CENPP: variants seen among roughly 807,000 people sequenced by gnomAD.
CENPP encodes centromere protein P.
Under a neutral mutation model 35.6 loss-of-function variants are expected in CENPP, and 24 were observed. The ratio of observed to expected loss-of-function variants is 0.67; its 90% CI spans 0.49 to 0.95. CENPP has a LOEUF of 0.95. Among genes scored for constraint, CENPP ranks in the 40% least tolerant of loss-of-function variants. The pLI is 0.00. For missense variants in CENPP, 332 were observed against 345.3 expected (o/e 0.96, Z 0.31); for synonymous variants, 120 against 125.5 (o/e 0.96, Z 0.29).
intron 5 of CENPP, among the ~76,000 whole-genome samples, chr9:92,453,081 T>G (rs1027549438): frequency 3.3e-5 from 5 of 152,280 alleles, no homozygotes; most frequent in Middle Eastern, 3.4e-3. Context: ...TTGAAGGGTT[T>G]TTTATGTCTC....
At chr9:92,540,324 GCTA>G (rs1294087297) in intron 5 of CENPP, among the ~76,000 whole-genome samples, 2 of 151,942 alleles carry the variant, frequency 1.3e-5, no homozygotes, top group African/African-American at 4.8e-5. Context: ...AGTAGTCCCA[GCTA>G]CTTGGGAGGC....
chr9:92,587,229 G>A (rs1196360849), intron 5 of CENPP, among the ~76,000 whole-genome samples: 3 of 152,174 alleles, frequency 2.0e-5, no homozygotes, highest in Admixed American at 1.3e-4. Context: ...CAGCACTTTG[G>A]GAGGCCGAGG....
At chr9:92,386,180 T>C (rs1393800550) in intron 5 of CENPP, 1 of 1,507,602 alleles carries the variant, frequency 6.6e-7, no homozygotes, top group South Asian at 1.1e-5. Context: ...GAGTCAGATA[T>C]TGTGAAAGGA....
At chr9:92,444,215 A>ACT (rs1844493791) in intron 5 of CENPP, among the ~76,000 whole-genome samples, 3 of 152,300 alleles carry the variant, frequency 2.0e-5, no homozygotes, top group African/African-American at 7.2e-5. Flanking sequence ...TCATACAGTG[A>ACT]GTATGAAATG....
At chr9:92,372,456 C>T (rs1306615802) in intron 4 of CENPP, among the ~76,000 whole-genome samples, 1 of 151,918 alleles carries the variant, frequency 6.6e-6, no homozygotes, top group Non-Finnish European at 1.5e-5. Flanking sequence ...TACAGTTTGT[C>T]ATTGTGATTT....
intron 5 of CENPP, among the ~76,000 whole-genome samples, chr9:92,583,085 G>T (rs963223743): frequency 6.6e-6 from 1 of 152,090 alleles, no homozygotes; most frequent in South Asian, 2.1e-4. Flanking sequence ...ACTGGTGGTC[G>T]GATTCTCAAT....
Position 92,585,475 on chromosome 9 carries a change from A to T in CENPP, c.565-25839A>T, listed in dbSNP as rs1564012005. Among the ~76,000 whole-genome samples, 3 of 152,292 alleles carry T rather than the reference A, an allele frequency of 2.0e-5. No homozygotes were observed. The East Asian group carries it at 5.8e-4, about 29-fold the overall frequency. On this transcript the variant is annotated intron_variant, in intron 5 of 7. Coordinates refer to ENST00000375587, the MANE Select transcript of CENPP (RefSeq NM_001012267.3). The stretch of plus-strand genomic sequence containing the variant: ...CCAAATAAAGCTGCTGTGAACGTTC[A>T]TGTGCAAGTCTTTGTATGGACTTGA...
At chr9:92,537,911 G>C (rs941821523) in intron 5 of CENPP, among the ~76,000 whole-genome samples, 1 of 152,328 alleles carries the variant, frequency 6.6e-6, no homozygotes, top group African/African-American at 2.4e-5. Flanking sequence ...CAAGCTTGAA[G>C]ACCACTGCTA....
intron 5 of CENPP, among the ~76,000 whole-genome samples, chr9:92,452,089 T>G (rs1844728130): frequency 7.5e-6 from 1 of 133,738 alleles, no homozygotes; most frequent in Admixed American, 7.2e-5. Flanking sequence ...ATACCCTTTA[T>G]TTCCTTCTCC....
intron 5 of CENPP, among the ~76,000 whole-genome samples, chr9:92,435,866 AAC>A (rs1406189370): frequency 6.6e-6 from 1 of 152,216 alleles, no homozygotes; most frequent in Non-Finnish European, 1.5e-5. Context: ...AGTTGTTCTA[AAC>A]ATTCATGTAC....
chr9:92,567,395 T>TAGAC (rs1554688308), intron 5 of CENPP, among the ~76,000 whole-genome samples: 1 of 106,778 alleles, frequency 9.4e-6, no homozygotes, highest in Non-Finnish European at 1.8e-5. Context: ...TATATATATA[T>TAGAC]AGATATATAT....
chr9:92,582,127 C>T (rs919622142), intron 5 of CENPP, among the ~76,000 whole-genome samples: 2 of 152,152 alleles, frequency 1.3e-5, no homozygotes, highest in Non-Finnish European at 2.9e-5. Context: ...GATCTTGGCT[C>T]ACTGAAGCCT....
At chr9:92,556,180 A>G (rs1488114209) in intron 5 of CENPP, among the ~76,000 whole-genome samples, 1 of 152,124 alleles carries the variant, frequency 6.6e-6, no homozygotes, top group Non-Finnish European at 1.5e-5. Context: ...TTTAATTTCC[A>G]TGTATTTACA....
chr9:92,497,784 C>T (rs1008248774), intron 5 of CENPP, among the ~76,000 whole-genome samples: 1 of 149,550 alleles, frequency 6.7e-6, no homozygotes, highest in African/African-American at 2.5e-5. Flanking sequence ...TCATGGGGGG[C>T]AAGTCACTCA....
intron 1 of CENPP, 119 bp from the exon 2 acceptor site, chr9:92,332,051 G>T (rs1053595022): frequency 8.2e-6 from 4 of 488,030 alleles, no homozygotes; most frequent in Non-Finnish European, 1.4e-5. Context: ...AATGGGGGAA[G>T]GTGACTTAAT....
At chr9:92,366,771 G>C (rs943639905) in intron 4 of CENPP, among the ~76,000 whole-genome samples, 1 of 152,110 alleles carries the variant, frequency 6.6e-6, no homozygotes, top group Non-Finnish European at 1.5e-5. Context: ...AACATCTGAG[G>C]CTGTTTTGAG....
chr9:92,460,928 C>T (rs1038297618), intron 5 of CENPP, among the ~76,000 whole-genome samples: 12 of 152,164 alleles, frequency 7.9e-5, no homozygotes, highest in African/African-American at 2.2e-4. Flanking sequence ...ATCCACCCCC[C>T]TCGGCCTCCT....
At chr9:92,567,369 G>GATATATACATATAT (rs888840109) in intron 5 of CENPP, among the ~76,000 whole-genome samples, 1 of 104,096 alleles carries the variant, frequency 9.6e-6, no homozygotes, top group African/African-American at 2.9e-5. Flanking sequence ...AGTTACATAA[G>GATATATACATATAT]ATAGATATAT....
At chr9:92,511,144 G>A (rs1847310974) in intron 5 of CENPP, among the ~76,000 whole-genome samples, 1 of 151,962 alleles carries the variant, frequency 6.6e-6, no homozygotes, top group Non-Finnish European at 1.5e-5. Flanking sequence ...TTTGTTGTTT[G>A]AGACAGGGTC....
Sources: gnomAD v4.1 joint callset for allele counts (sites outside exome capture counted in the v4.1 genomes callset) on GRCh38, gnomAD v4.1.1 for gene constraint, MANE v1.5 for transcripts, NCBI Gene and HGNC (gene_info 2026-07-23, HGNC 2026-07-21) for gene names.